KANK1: variants seen among roughly 807,000 people sequenced by gnomAD.
KANK1 encodes the protein KN motif and ankyrin repeat domain-containing protein 1.
A neutral mutation model predicts 106.2 loss-of-function variants in KANK1; 109 were observed. The ratio of observed to expected loss-of-function variants is 1.03; its 90% CI spans 0.88 to 1.20. The LOEUF (loss-of-function observed/expected upper bound fraction) is 1.20, where lower values mean the gene tolerates loss of function less well. KANK1 is among the 50% of genes most tolerant of loss of function. The pLI is 0.00. For synonymous variants in KANK1, 873 were observed against 652.2 expected (o/e 1.34, Z -5.16); for missense variants, 2,399 against 1,710.7 (o/e 1.40, Z -7.10).
rs554364926 is a variant in KANK1 at position 597,554 on chromosome 9, AT to A, written c.-83-79333del. The stretch of plus-strand genomic sequence containing the variant: ...GTCCTTTGCCCATTTAAAAATTGTT[AT>A]TTGTTGTTGACTTGTAAGAGTGCTT... On this transcript the variant is annotated intron_variant, in intron 1 of 11. Transcript: ENST00000382297. 1.6e-3 allele frequency among the ~76,000 whole-genome samples: 243 copies of A among 151,524 alleles called. 4 individuals are homozygous for A. Among genetic ancestry groups the A allele is most frequent in the African/African-American group, 5.6e-3 (230 of 41,100 alleles).
chr9:482,742 G>A lies in KANK1; in HGVS notation c.-362+9469G>A, dbSNP rs191225793. Among the ~76,000 whole-genome samples, 5 of 152,338 alleles carry A rather than the reference G, an allele frequency of 3.3e-5. No individual in the cohort carries two copies. The East Asian group carries it at 9.6e-4, about 29-fold the overall frequency. On this transcript the variant is annotated intron_variant, in intron 3 of 15. Transcript: ENST00000382303. ...CATTGGATGTAAGCAGCTGCCATCT[G>A]CCAAACAATACACGCATTTGATGTA...
At chr9:680,372 T>C (rs1168400334) in intron 2 of KANK1, among the ~76,000 whole-genome samples, 2 of 148,364 alleles carry the variant, frequency 1.3e-5, no homozygotes, top group East Asian at 3.9e-4. Flanking sequence ...TTTTATACTC[T>C]GACTTCCCCT....
chr9:699,924 G>A (rs1033230310), intron 2 of KANK1, among the ~76,000 whole-genome samples: 2 of 152,202 alleles, frequency 1.3e-5, no homozygotes, highest in African/African-American at 2.4e-5. Flanking sequence ...CAAGGCTGCA[G>A]TGAGCTGTGA....
intron 2 of KANK1, among the ~76,000 whole-genome samples, chr9:702,665 C>G (rs1231621303): frequency 6.6e-6 from 1 of 152,162 alleles, no homozygotes; most frequent in African/African-American, 2.4e-5. Flanking sequence ...AATGTAGCCT[C>G]TTTCCCTACG....
intron 1 of KANK1, among the ~76,000 whole-genome samples, chr9:664,300 CAT>C (rs1398467820): frequency 1.3e-5 from 2 of 152,150 alleles, no homozygotes; most frequent in Admixed American, 6.5e-5. Flanking sequence ...GTAGCTCCCA[CAT>C]ATGAGTGAGA....
intron 2 of KANK1, among the ~76,000 whole-genome samples, chr9:688,488 C>T (rs1227274470): frequency 6.6e-6 from 1 of 152,054 alleles, no homozygotes; most frequent in African/African-American, 2.4e-5. Context: ...CACCTGTAAT[C>T]CCAACTACTT....
chr9:614,110 T>TTC (rs1485368301), intron 1 of KANK1, among the ~76,000 whole-genome samples: 1 of 152,196 alleles, frequency 6.6e-6, no homozygotes, highest in East Asian at 1.9e-4. Flanking sequence ...GCTGCAGGGT[T>TTC]TCCAGCCACT....
intron 9 of KANK1, 108 bp from the exon 10 acceptor site, chr9:742,097 T>A (rs1420651871): frequency 4.2e-6 from 4 of 945,774 alleles, no homozygotes; most frequent in Non-Finnish European, 6.5e-6. Flanking sequence ...GCCAGTTCTT[T>A]CCCTTCTGTC....
chr9:494,347 T>G (rs2058426007), intron 3 of KANK1, among the ~76,000 whole-genome samples: 1 of 152,162 alleles, frequency 6.6e-6, no homozygotes, highest in Non-Finnish European at 1.5e-5. Flanking sequence ...CATATCTGAT[T>G]TTTCCTCTTA....
chr9:576,971 G>A (rs548430401), intron 1 of KANK1, among the ~76,000 whole-genome samples: 6 of 152,212 alleles, frequency 3.9e-5, no homozygotes, highest in South Asian at 2.1e-4. Flanking sequence ...TGGTGTGTCC[G>A]GAGTTTGTTC....
chr9:737,309 G>A (rs1834050955), intron 7 of KANK1, among the ~76,000 whole-genome samples: 1 of 152,202 alleles, frequency 6.6e-6, no homozygotes, highest in African/African-American at 2.4e-5. Context: ...ATAAAGAGAT[G>A]GAAGCTCTAT....
intron 1 of KANK1, among the ~76,000 whole-genome samples, chr9:541,844 C>G (rs1038607819): frequency 3.9e-5 from 6 of 152,152 alleles, no homozygotes; most frequent in Non-Finnish European, 8.8e-5. Flanking sequence ...AATCCCAGCA[C>G]TTTGGGAGGT....
At chr9:470,295 G>A (rs2057992540) in exon 1 of KANK1, 1 of 149,948 alleles carries the variant, frequency 6.7e-6, no homozygotes, top group Admixed American at 6.7e-5. Flanking sequence ...GCATGCGCCC[G>A]AGGGTGTTTC....
chr9:484,761 C>G (rs956455967), intron 3 of KANK1, among the ~76,000 whole-genome samples: 3 of 152,186 alleles, frequency 2.0e-5, no homozygotes, highest in Non-Finnish European at 2.9e-5. Context: ...CCTCCCACAT[C>G]TGTGGCCTGC....
chr9:706,882 A>G (rs1171454637), intron 2 of KANK1: 1 of 985,316 alleles, frequency 1.0e-6, no homozygotes, highest in Non-Finnish European at 1.2e-6. Context: ...AGCAGTGACT[A>G]GTATAGGAAA....
At chr9:728,118 C>T (rs1320181799) in intron 3 of KANK1, among the ~76,000 whole-genome samples, 3 of 152,182 alleles carry the variant, frequency 2.0e-5, no homozygotes, top group Non-Finnish European at 4.4e-5. Context: ...CATCACATGA[C>T]AGCAGACCCT....
chr9:732,554 C>G lies in KANK1; in HGVS notation c.3182C>G (p.Ala1061Gly). The G allele has an allele frequency of 6.2e-7, 1 of 1,614,054 alleles. No homozygotes were observed. Among genetic ancestry groups the G allele is most frequent in the East Asian group, 2.2e-5 (1 of 44,884 alleles). The part of the protein sequence containing the change: ...HAVNIEGLKS[A>G]RVEDEMQVQE... ...GTTAATATTGAAGGTTTGAAGTCTGCCAGGGTGGAAGATGAAATGCAGGTT... is the reference window on the plus strand; with the variant it reads ...GTTAATATTGAAGGTTTGAAGTCTGGCAGGGTGGAAGATGAAATGCAGGTT... The change falls in exon 6 of 12, where the codon GCC (alanine) becomes GGC (glycine). Residue 1061 changes from alanine (A) to glycine (G), a missense_variant. Transcript: ENST00000382297.
chr9:558,803 G>C (rs1815585101), intron 1 of KANK1: 1 of 151,888 alleles, frequency 6.6e-6, no homozygotes, highest in Admixed American at 6.6e-5. Context: ...CATGTATGTG[G>C]AGTGACTCAA....
Position 544,341 on chromosome 9 carries a change from A to G in KANK1, c.-84+39587A>G, listed in dbSNP as rs886498908. Among the ~76,000 whole-genome samples the G allele has an allele frequency of 2.6e-5, 4 of 152,148 alleles. No individual in the cohort carries two copies. The East Asian group carries it at 5.8e-4, about 22-fold the overall frequency. On this transcript the variant is annotated intron_variant, in intron 1 of 11. Transcript: ENST00000382297. ...CCTGGCCCTGTTAACTTCTTATGTC[A>G]TTTCCCCACTTTAATATATTTGAGG...
Sources: allele counts gnomAD v4.1 joint callset (sites outside exome capture counted in the v4.1 genomes callset), GRCh38; gene constraint gnomAD v4.1.1; transcripts MANE v1.5; gene names NCBI Gene and HGNC (gene_info 2026-07-23, HGNC 2026-07-21).